Variants in NLGN1 observed in about 807,000 individuals in gnomAD.
NLGN1 encodes the protein neuroligin 1, also known as neuroligin-1.
NLGN1 carries 12 observed loss-of-function variants against 65.5 expected under a neutral mutation model. The observed-to-expected ratio is 0.18, with a 90% CI of 0.12 to 0.30. The LOEUF is 0.30. Ranked by LOEUF, NLGN1 falls within the 10% of genes least tolerant of loss-of-function variation. NLGN1 has a pLI of 1.00. For missense variants in NLGN1, 750 were observed against 1,007.1 expected (o/e 0.74, Z 3.46); for synonymous variants, 350 against 359.5 (o/e 0.97, Z 0.30).
At chr3:174,004,999 C>T (rs1009840847) in intron 4 of NLGN1, among the ~76,000 whole-genome samples, 1 of 152,028 alleles carries the variant, frequency 6.6e-6, no homozygotes, top group Non-Finnish European at 1.5e-5. Context: ...TTTAAGATAA[C>T]AAGTCCGTCT....
At chr3:173,680,925 T>G (rs1326549995) in intron 3 of NLGN1, among the ~76,000 whole-genome samples, 1 of 152,150 alleles carries the variant, frequency 6.6e-6, no homozygotes, top group Non-Finnish European at 1.5e-5. Flanking sequence ...GAAAACTGGG[T>G]CAGATTTTCT....
In NLGN1 at chr3:173,729,386, T is replaced by C. The variant is rs73880561; in HGVS notation, c.494-78294T>C. On this transcript the variant is annotated intron_variant, in intron 3 of 6. Transcript: ENST00000457714. Reference sequence around the variant, plus strand: ...GGTCTTCTGTGAGCCTCTGAGTCTTTGGGCATTACAATAACTTCATTTTGT... The same window carrying C: ...GGTCTTCTGTGAGCCTCTGAGTCTTCGGGCATTACAATAACTTCATTTTGT... 2.3e-3 allele frequency among the ~76,000 whole-genome samples: 352 copies of C among 152,242 alleles called. 3 individuals are homozygous for C. Among genetic ancestry groups the C allele is most frequent in the African/African-American group, 8.0e-3 (333 of 41,578 alleles).
intron 4 of NLGN1, among the ~76,000 whole-genome samples, chr3:173,877,702 A>T (rs1191815017): frequency 2.0e-5 from 3 of 152,134 alleles, no homozygotes; most frequent in Non-Finnish European, 2.9e-5. Flanking sequence ...TCAACCTTAA[A>T]TTTTTTTAAA....
intron 4 of NLGN1, among the ~76,000 whole-genome samples, chr3:174,220,812 C>T (rs1216962228): frequency 1.3e-5 from 2 of 152,082 alleles, no homozygotes; most frequent in Admixed American, 6.6e-5. Context: ...CAGCAATTAG[C>T]CCAGCAATTC....
At chr3:173,483,391 T>A (rs41360952) in intron 2 of NLGN1, among the ~76,000 whole-genome samples, 25,511 of 151,896 alleles carry the variant, frequency 0.17, 2,231 homozygotes, top group Middle Eastern at 0.27. Flanking sequence ...CAGTATGATG[T>A]TATTGTTATA....
intron 2 of NLGN1, among the ~76,000 whole-genome samples, chr3:173,539,745 C>T (rs1268398670): frequency 7.2e-6 from 1 of 138,642 alleles, no homozygotes; most frequent in African/African-American, 2.7e-5. Context: ...CATATATGTA[C>T]ATATATAACA....
intron 4 of NLGN1, among the ~76,000 whole-genome samples, chr3:174,053,902 A>G (rs559524580): frequency 4.6e-5 from 7 of 151,978 alleles, no homozygotes; most frequent in African/African-American, 1.7e-4. Flanking sequence ...AAACTCTGAA[A>G]TTTTCAATAT....
intron 3 of NLGN1, among the ~76,000 whole-genome samples, chr3:173,797,672 C>A (rs1289505834): frequency 7.6e-5 from 10 of 131,180 alleles, no homozygotes; most frequent in African/African-American, 2.6e-4. Context: ...TAGCAAAAAA[C>A]AAAAAATAAA....
chr3:173,404,113 T>A (rs778848906), intron 1 of NLGN1, among the ~76,000 whole-genome samples: 8 of 152,152 alleles, frequency 5.3e-5, no homozygotes, highest in Admixed American at 1.3e-4. Context: ...ATAAATTGAA[T>A]TCATTATATT....
At chr3:174,066,516 G>GTCTCTCTCTCTCTCTCTC (rs373763421) in intron 4 of NLGN1, among the ~76,000 whole-genome samples, 46 of 67,022 alleles carry the variant, frequency 6.9e-4, no homozygotes, top group Middle Eastern at 0.018. Context: ...TATGGAACAA[G>GTCTCTCTCTCTCTCTCTC]TCTCTCTCTC....
intron 3 of NLGN1, among the ~76,000 whole-genome samples, chr3:173,800,009 T>A: frequency 1.2e-5 from 1 of 86,454 alleles, no homozygotes; most frequent in Non-Finnish European, 2.9e-5. Context: ...GGGTATTTTT[T>A]TTTTTTTTTT....
intron 4 of NLGN1, among the ~76,000 whole-genome samples, chr3:173,917,405 A>T (rs1175576719): frequency 6.6e-6 from 1 of 152,202 alleles, no homozygotes; most frequent in East Asian, 1.9e-4. Flanking sequence ...TATGTATAAA[A>T]TATTTGATAG....
intron 4 of NLGN1, among the ~76,000 whole-genome samples, chr3:173,898,777 T>C (rs1736801827): frequency 6.6e-6 from 1 of 152,140 alleles, no homozygotes; most frequent in African/African-American, 2.4e-5. Flanking sequence ...ATATTCCCTG[T>C]AATAAATGGA....
At chr3:174,166,040 T>A (rs149340586) in intron 4 of NLGN1, among the ~76,000 whole-genome samples, 1 of 152,184 alleles carries the variant, frequency 6.6e-6, no homozygotes, top group African/African-American at 2.4e-5. Context: ...TTGGTTATAA[T>A]GCCACGTTTG....
rs989012662 is a variant in NLGN1, at chr3:173,916,912, G to A, written c.646+109080G>A. Among the ~76,000 whole-genome samples the A allele has an allele frequency of 2.0e-5, 3 of 152,300 alleles. No homozygotes were observed. In the South Asian group the frequency reaches 6.2e-4, roughly 32 times the overall value. Reference sequence around the variant, plus strand: ...CTGTGATTGGACCAAACTGTTGAAGGAAGCAGAAAGTAGAAAAGCAGACTT... The same window carrying A: ...CTGTGATTGGACCAAACTGTTGAAGAAAGCAGAAAGTAGAAAAGCAGACTT... On this transcript the variant is annotated intron_variant, in intron 4 of 6. Transcript: ENST00000457714.
chr3:174,275,213 C>T (rs1750318131), intron 4 of NLGN1, 102 bp from the exon 5 acceptor site: 2 of 794,108 alleles, frequency 2.5e-6, no homozygotes, highest in Non-Finnish European at 4.1e-6. Context: ...TGAACTTGGA[C>T]TGTCCCTACC....
chr3:173,397,212 G>A (rs1000066716), upstream of NLGN1, among the ~76,000 whole-genome samples: 10 of 152,056 alleles, frequency 6.6e-5, no homozygotes, highest in Non-Finnish European at 1.3e-4. Context: ...GAGGAGATTC[G>A]CCTTCCGTTT....
intron 4 of NLGN1, among the ~76,000 whole-genome samples, chr3:174,238,970 A>C (rs1205417063): frequency 1.3e-5 from 2 of 152,142 alleles, no homozygotes; most frequent in Admixed American, 1.3e-4. Flanking sequence ...CTTGGCTTTC[A>C]TTATTGACTA....
chr3:174,151,995 G>C (rs1482108308), intron 4 of NLGN1, among the ~76,000 whole-genome samples: 1 of 152,020 alleles, frequency 6.6e-6, no homozygotes, highest in East Asian at 1.9e-4. Flanking sequence ...GTTAGAGAAA[G>C]AATACAGATA....
Sources: allele counts gnomAD v4.1 joint callset (sites outside exome capture counted in the v4.1 genomes callset), GRCh38; gene constraint gnomAD v4.1.1; transcripts MANE v1.5; gene names NCBI Gene and HGNC (gene_info 2026-07-23, HGNC 2026-07-21).